NDUFAF6: variants seen among roughly 807,000 people sequenced by gnomAD.
The protein encoded by NDUFAF6 is NADH:ubiquinone oxidoreductase complex assembly factor 6.
Under a neutral mutation model 40.8 loss-of-function variants are expected in NDUFAF6, and 45 were observed. That is an observed-to-expected ratio of 1.10 (90% confidence interval 0.87 to 1.42). The LOEUF is 1.42. Among genes scored for constraint, NDUFAF6 ranks in the 40% most tolerant of loss-of-function variants. NDUFAF6 has a pLI of 0.00. For missense variants in NDUFAF6, 435 were observed against 418.5 expected (o/e 1.04, Z -0.34); for synonymous variants, 185 against 155.9 (o/e 1.19, Z -1.39).
rs1344602025 is a variant in NDUFAF6, at chr8:95,033,427, G to A, written c.297+1333G>A. On this transcript the variant is annotated intron_variant, in intron 2 of 8. Transcript: ENST00000396124. ...CTTCTTTGTACACTTTGTACATCTTGCTGCTGCTTTGCACATGGAGCCTTG... is the reference window on the plus strand; with the variant it reads ...CTTCTTTGTACACTTTGTACATCTTACTGCTGCTTTGCACATGGAGCCTTG... 9.9e-5 allele frequency among the ~76,000 whole-genome samples: 15 copies of A among 152,176 alleles called. No individual in the cohort carries two copies. The South Asian group carries it at 2.9e-3, about 29-fold the overall frequency.
At chr8:95,037,995 TGCCTCA>T (rs1380325650) in intron 3 of NDUFAF6, among the ~76,000 whole-genome samples, 2 of 152,154 alleles carry the variant, frequency 1.3e-5, no homozygotes, top group Non-Finnish European at 2.9e-5. Context: ...GCGATCCTCT[TGCCTCA>T]GCCTCCTGAG....
chr8:94,929,554 G>A (rs1027824190), intron 1 of NDUFAF6: 1 of 152,142 alleles, frequency 6.6e-6, no homozygotes, highest in African/African-American at 2.4e-5. Flanking sequence ...TTTTCACTCT[G>A]TGGAAATATA....
chr8:94,941,935 T>TA lies in NDUFAF6; in HGVS notation c.-935-3548_-935-3547insA, dbSNP rs374772885. On this transcript the variant is annotated intron_variant, in intron 1 of 14. Transcript: ENST00000396113. ...AACACATACCAAAGATAGGTTTTTT[T>TA]CCCCCACAAACTTATTCATATACAC... Among the ~76,000 whole-genome samples, 1,276 of 151,880 alleles carry TA rather than the reference T, an allele frequency of 8.4e-3. 26 individuals are homozygous for TA. Among genetic ancestry groups the TA allele is most frequent in the African/African-American group, 0.028 (1,154 of 41,346 alleles).
chr8:94,961,131 G>T (rs1217117307), intron 1 of NDUFAF6, among the ~76,000 whole-genome samples: 1 of 152,156 alleles, frequency 6.6e-6, no homozygotes, highest in Non-Finnish European at 1.5e-5. Context: ...AAACCACTCG[G>T]TCCCAATTAG....
At chr8:94,914,473 C>G (rs1439959900) in intron 1 of NDUFAF6, among the ~76,000 whole-genome samples, 3 of 152,164 alleles carry the variant, frequency 2.0e-5, no homozygotes, top group Non-Finnish European at 4.4e-5. Context: ...CAGCCACCGC[C>G]AGTTTTATCT....
chr8:95,003,708 T>C (rs1388473676), intron 2 of NDUFAF6, among the ~76,000 whole-genome samples: 2 of 152,238 alleles, frequency 1.3e-5, no homozygotes, highest in African/African-American at 4.8e-5. Context: ...TTTCTCCTTC[T>C]GCAAACATTC....
downstream of NDUFAF6, among the ~76,000 whole-genome samples, chr8:95,060,688 A>G (rs1832550991): frequency 6.6e-6 from 1 of 152,240 alleles, no homozygotes; most frequent in South Asian, 2.1e-4. Context: ...CTAGAGCTGG[A>G]TGCCAGATCC....
intron 2 of NDUFAF6, among the ~76,000 whole-genome samples, chr8:95,089,054 G>A (rs578224788): frequency 4.0e-5 from 6 of 151,160 alleles, no homozygotes; most frequent in Middle Eastern, 3.5e-3. Flanking sequence ...GAGCCACCGC[G>A]CCCAGCCTTG....
chr8:95,087,627 A>G (rs940410381), intron 2 of NDUFAF6: 1 of 152,246 alleles, frequency 6.6e-6, no homozygotes, highest in Admixed American at 6.5e-5. Context: ...ACTTTAAAAC[A>G]TTTAATGATA....
chr8:94,920,282 T>G (rs559438684), intron 1 of NDUFAF6, among the ~76,000 whole-genome samples: 1 of 152,256 alleles, frequency 6.6e-6, no homozygotes, highest in South Asian at 2.1e-4. Flanking sequence ...CACAATAGAC[T>G]GGTAATTTAT....
At chr8:94,969,514 G>T (rs375398444) in intron 1 of NDUFAF6, among the ~76,000 whole-genome samples, 4 of 152,168 alleles carry the variant, frequency 2.6e-5, no homozygotes, top group African/African-American at 9.7e-5. Flanking sequence ...GGTGGTGCGT[G>T]TCTGTAATCC....
chr8:95,020,320 T>C (rs959303433), upstream of NDUFAF6, among the ~76,000 whole-genome samples: 1 of 152,242 alleles, frequency 6.6e-6, no homozygotes, highest in African/African-American at 2.4e-5. Flanking sequence ...AAGGCTTGAC[T>C]ATTAAACGAA....
In NDUFAF6 at chr8:95,031,988, G is replaced by A. The variant is rs1423077244; in HGVS notation, c.198-7G>A. 1 of 1,611,648 alleles carries A rather than the reference G, an allele frequency of 6.2e-7. No individual in the cohort carries two copies. Among genetic ancestry groups the A allele is most frequent in the Admixed American group, 1.7e-5 (1 of 59,968 alleles). ...GAGTAACTGTCTTTTTTTTCTGTCT[G>A]TTACAGGAAACGGGATTATGAAGGT... On this transcript the variant is annotated splice_polypyrimidine_tract_variant and splice_region_variant and intron_variant, in intron 1 of 8. Transcript: ENST00000396124.
Position 95,025,114 on chromosome 8 carries a change from C to T in NDUFAF6, c.106C>T (p.Leu36=). The change falls in exon 1 of 9, where the codon CTG becomes TTG. Residue 36 remains leucine, a synonymous_variant. Coordinates refer to ENST00000396124, the MANE Select transcript of NDUFAF6 (RefSeq NM_152416.4). The part of the protein sequence containing the change: ...PLGLYARMRR[L]PGPEVSGRSV... The stretch of plus-strand genomic sequence containing the variant: ...GGGTCTGTACGCGCGCATGCGGCGG[C>T]TGCCCGGGCCGGAGGTGTCTGGGCG... The T allele has an allele frequency of 6.8e-7, 1 of 1,479,192 alleles. No homozygotes were observed. Among genetic ancestry groups the T allele is most frequent in the Non-Finnish European group, 8.9e-7 (1 of 1,124,822 alleles). The allele number at this position is 1,479,192 out of a possible 1,614,324, so 91.6% of individuals were successfully genotyped here. A position where few individuals can be genotyped will look rare whatever the true frequency, so the allele number is the denominator to read the frequency against.
chr8:94,976,972 GA>G (rs1051783177), intron 1 of NDUFAF6, among the ~76,000 whole-genome samples: 4 of 151,906 alleles, frequency 2.6e-5, no homozygotes, highest in Admixed American at 1.3e-4. Flanking sequence ...GAAACATGGC[GA>G]AACTCCATCT....
At chr8:95,042,801 A>G (rs1428267670) in intron 4 of NDUFAF6, among the ~76,000 whole-genome samples, 2 of 152,216 alleles carry the variant, frequency 1.3e-5, no homozygotes, top group Admixed American at 1.3e-4. Flanking sequence ...ATATAGATCA[A>G]TGGAATAGAA....
At chr8:94,960,222 C>T (rs1156553331) in intron 1 of NDUFAF6, among the ~76,000 whole-genome samples, 4 of 152,182 alleles carry the variant, frequency 2.6e-5, no homozygotes, top group Admixed American at 6.5e-5. Context: ...CCATTGAAGA[C>T]GCGCAACTCA....
At chr8:94,949,467 G>T (rs982194021) in intron 2 of NDUFAF6, 1 of 151,816 alleles carries the variant, frequency 6.6e-6, no homozygotes, top group African/African-American at 2.4e-5. Context: ...CGGTGCGGGG[G>T]CCCCGGGGCC....
intron 2 of NDUFAF6, among the ~76,000 whole-genome samples, chr8:95,010,678 C>T (rs2131671438): frequency 6.6e-6 from 1 of 152,264 alleles, no homozygotes; most frequent in Admixed American, 6.5e-5. Context: ...GGCAGCTATT[C>T]AGTTTTAATT....
Sources: gnomAD v4.1 joint callset for allele counts (sites outside exome capture counted in the v4.1 genomes callset) on GRCh38, gnomAD v4.1.1 for gene constraint, MANE v1.5 for transcripts, NCBI Gene and HGNC (gene_info 2026-07-23, HGNC 2026-07-21) for gene names.